Variants in SPTLC2 observed in about 807,000 individuals in gnomAD.
The protein encoded by SPTLC2 is serine palmitoyltransferase 2.
A neutral mutation model predicts 62.0 loss-of-function variants in SPTLC2; 21 were observed. The ratio of observed to expected loss-of-function variants is 0.34; its 90% CI spans 0.24 to 0.49. The LOEUF is 0.49. Among genes scored for constraint, SPTLC2 ranks in the 20% least tolerant of loss-of-function variants. The probability of loss-of-function intolerance (pLI) is 0.99; values close to 1 mark genes in which losing one functional copy is unlikely to be tolerated. For synonymous variants in SPTLC2, 261 were observed against 261.8 expected, an observed-to-expected ratio of 1.00 and a Z score of 0.03; for missense variants, 511 against 713.0, an observed-to-expected ratio of 0.72 and a Z score of 3.23.
At chr14:77,590,661 G>A (rs774105890) in intron 2 of SPTLC2, among the ~76,000 whole-genome samples, 4 of 152,086 alleles carry the variant, frequency 2.6e-5, no homozygotes, top group Non-Finnish European at 5.9e-5. Context: ...GCAGTAAGCC[G>A]AGATCGCGCC....
chr14:77,512,109 G>A lies in SPTLC2; in HGVS notation c.*175C>T, dbSNP rs770767636. 8 of 785,064 alleles carry A rather than the reference G, an allele frequency of 1.0e-5. 1 individual carries two copies. Among genetic ancestry groups the A allele is most frequent in the Admixed American group, 8.1e-5 (3 of 37,168 alleles). 48.6% of individuals were successfully genotyped at this position (785,064 alleles called of 1,614,324 possible). A position where few individuals can be genotyped will look rare whatever the true frequency, so the allele number is the denominator to read the frequency against. On this transcript the variant is annotated 3_prime_UTR_variant, in exon 12 of 12. Coordinates refer to ENST00000216484, the MANE Select transcript of SPTLC2 (RefSeq NM_004863.4). Reference sequence around the variant, plus strand: ...AGATTTAGCAAAGGAAGGATTAGAAGCAGTTTTTTACTATTTACAAAATGT... The same window carrying A: ...AGATTTAGCAAAGGAAGGATTAGAAACAGTTTTTTACTATTTACAAAATGT...
chr14:77,593,590 A>T (rs1430498249), intron 2 of SPTLC2, among the ~76,000 whole-genome samples: 7 of 152,252 alleles, frequency 4.6e-5, no homozygotes, highest in Admixed American at 4.6e-4. Context: ...TATATAAAAT[A>T]GAACAAACTC....
At chr14:77,537,301 G>T (rs1162393682) in intron 9 of SPTLC2, among the ~76,000 whole-genome samples, 1 of 135,124 alleles carries the variant, frequency 7.4e-6, no homozygotes, top group East Asian at 2.2e-4. Flanking sequence ...AAAAAAAAAA[G>T]TTATGGAAAG....
At chr14:77,522,746 A>G (rs1004306258) in intron 9 of SPTLC2, among the ~76,000 whole-genome samples, 2 of 152,216 alleles carry the variant, frequency 1.3e-5, no homozygotes, top group Non-Finnish European at 2.9e-5. Context: ...CTTCTCAACC[A>G]TGAATACTCA....
chr14:77,598,105 A>G (rs186443290), intron 1 of SPTLC2, among the ~76,000 whole-genome samples: 1 of 147,144 alleles, frequency 6.8e-6, no homozygotes, highest in African/African-American at 2.5e-5. Context: ...CTGGGAAATA[A>G]GAGCGAAACC....
intron 5 of SPTLC2, among the ~76,000 whole-genome samples, chr14:77,564,472 T>C (rs1440129815): frequency 6.7e-6 from 1 of 148,370 alleles, no homozygotes; most frequent in East Asian, 2.0e-4. Context: ...TATGCATGAG[T>C]TCGCATATAT....
intron 6 of SPTLC2, among the ~76,000 whole-genome samples, chr14:77,560,289 T>C (rs1035904071): frequency 6.6e-6 from 1 of 152,066 alleles, no homozygotes; most frequent in Non-Finnish European, 1.5e-5. Context: ...AACAGTAGAC[T>C]GGATTAAAAA....
At chr14:77,558,618 G>GT (rs541547452) in intron 6 of SPTLC2, among the ~76,000 whole-genome samples, 14 of 104,018 alleles carry the variant, frequency 1.3e-4, no homozygotes, top group Middle Eastern at 4.6e-3. Flanking sequence ...AAAGCCTCCA[G>GT]TTTTTTTGTT....
At chr14:77,594,193 A>G (rs2079833746) in intron 2 of SPTLC2, among the ~76,000 whole-genome samples, 2 of 152,186 alleles carry the variant, frequency 1.3e-5, no homozygotes, top group African/African-American at 2.4e-5. Context: ...ATTTACTTGT[A>G]TAATGGTTTT....
At chr14:77,578,349 TA>T in intron 3 of SPTLC2, among the ~76,000 whole-genome samples, 1 of 151,364 alleles carries the variant, frequency 6.6e-6, no homozygotes, top group South Asian at 2.1e-4. Flanking sequence ...TTTTTTTTTT[TA>T]AAGTCAAGAC....
At chr14:77,562,640 T>C (rs1005952196) in intron 5 of SPTLC2, 151 bp from the exon 6 acceptor site, 5 of 640,494 alleles carry the variant, frequency 7.8e-6, no homozygotes, top group Middle Eastern at 2.5e-4. Flanking sequence ...AGGAAAAAGG[T>C]GTACACGATC....
At chr14:77,521,280 A>T (rs891134459) in intron 10 of SPTLC2, among the ~76,000 whole-genome samples, 166 bp downstream of exon 10, 3 of 152,252 alleles carry the variant, frequency 2.0e-5, no homozygotes, top group African/African-American at 7.2e-5. Flanking sequence ...ACAAATTAAC[A>T]TACTTTACAA....
At chr14:77,577,430 T>A (rs1325729438) in intron 3 of SPTLC2, among the ~76,000 whole-genome samples, 2 of 152,152 alleles carry the variant, frequency 1.3e-5, no homozygotes, top group African/African-American at 4.8e-5. Context: ...GAAGTATCGA[T>A]AAGGATAAAC....
intron 9 of SPTLC2, among the ~76,000 whole-genome samples, chr14:77,546,154 T>C (rs1486105736): frequency 1.3e-5 from 2 of 152,236 alleles, no homozygotes. Context: ...TAGAAGCAGA[T>C]GGAGTTAGAA....
intron 5 of SPTLC2, among the ~76,000 whole-genome samples, chr14:77,562,991 G>C (rs535028091): frequency 6.6e-6 from 1 of 152,126 alleles, no homozygotes; most frequent in African/African-American, 2.4e-5. Flanking sequence ...GTAGGCTTCA[G>C]TTTTGTCTTA....
chr14:77,558,286 TC>T (rs1441845713), intron 6 of SPTLC2, among the ~76,000 whole-genome samples: 6 of 150,926 alleles, frequency 4.0e-5, no homozygotes, highest in Admixed American at 1.3e-4. Context: ...CCTCAGGTGA[TC>T]CGCCTGCCTC....
intron 9 of SPTLC2, among the ~76,000 whole-genome samples, chr14:77,531,476 C>T (rs1174612569): frequency 6.3e-5 from 6 of 95,334 alleles, no homozygotes; most frequent in African/African-American, 3.0e-4. Context: ...TCCTCCTCCC[C>T]CTCCCCCTCC....
intron 9 of SPTLC2, among the ~76,000 whole-genome samples, chr14:77,537,667 T>C (rs1728306047): frequency 6.6e-6 from 1 of 152,226 alleles, no homozygotes; most frequent in South Asian, 2.1e-4. Flanking sequence ...ACTGGATCCA[T>C]GAGTTCAAAC....
intron 2 of SPTLC2, among the ~76,000 whole-genome samples, chr14:77,580,947 T>C (rs1006040248): frequency 6.6e-6 from 1 of 152,242 alleles, no homozygotes; most frequent in Non-Finnish European, 1.5e-5. Context: ...GATTAAGTTG[T>C]ACTAAAACTT....
Sources: allele counts gnomAD v4.1 joint callset (sites outside exome capture counted in the v4.1 genomes callset), GRCh38; gene constraint gnomAD v4.1.1; transcripts MANE v1.5; gene names NCBI Gene and HGNC (gene_info 2026-07-23, HGNC 2026-07-21).